MECOM: variants seen among roughly 807,000 people sequenced by gnomAD.
The protein encoded by MECOM is MDS1 and EVI1 complex locus.
A neutral mutation model predicts 116.3 loss-of-function variants in MECOM; 13 were observed. The ratio of observed to expected loss-of-function variants is 0.11; its 90% CI spans 0.07 to 0.18. The LOEUF (loss-of-function observed/expected upper bound fraction) is 0.18, where lower values mean the gene tolerates loss of function less well. MECOM is among the 10% of genes least tolerant of loss of function. MECOM has a pLI of 1.00. For missense variants in MECOM, 1,299 were observed against 1,509.0 expected (o/e 0.86, Z 2.31); for synonymous variants, 528 against 535.2 (o/e 0.99, Z 0.19).
At chr3:169,254,929 T>C (rs1023305857) in intron 2 of MECOM, among the ~76,000 whole-genome samples, 7 of 152,056 alleles carry the variant, frequency 4.6e-5, no homozygotes, top group African/African-American at 1.7e-4. Flanking sequence ...TGAAGGCTCT[T>C]CTTCTGCTTA....
intron 2 of MECOM, among the ~76,000 whole-genome samples, chr3:169,317,639 C>A (rs903763853): frequency 1.3e-5 from 2 of 152,212 alleles, no homozygotes; most frequent in East Asian, 1.9e-4. Context: ...CTTCCCTTAT[C>A]TCTGGTTTAA....
chr3:169,108,730 C>T (rs1390872254), intron 9 of MECOM, among the ~76,000 whole-genome samples: 2 of 152,130 alleles, frequency 1.3e-5, no homozygotes. Flanking sequence ...ATATGAAACA[C>T]TTGTTGAAAG....
chr3:169,199,369 G>C (rs1314981385), intron 2 of MECOM, among the ~76,000 whole-genome samples: 1 of 151,976 alleles, frequency 6.6e-6, no homozygotes, highest in Non-Finnish European at 1.5e-5. Flanking sequence ...AAAAATGGTG[G>C]AGAAAAATGG....
intron 2 of MECOM, among the ~76,000 whole-genome samples, chr3:169,172,592 G>C (rs1454946424): frequency 6.6e-6 from 1 of 152,214 alleles, no homozygotes; most frequent in African/African-American, 2.4e-5. Context: ...TTGATATTTT[G>C]ACTATTGCAA....
At chr3:169,613,418 A>C (rs893458978) in intron 1 of MECOM, 1 of 152,134 alleles carries the variant, frequency 6.6e-6, no homozygotes, top group African/African-American at 2.4e-5. Context: ...AGTTTTTTGG[A>C]AGGGACACTC....
chr3:169,557,902 A>G (rs966418852), intron 1 of MECOM, among the ~76,000 whole-genome samples: 11 of 152,364 alleles, frequency 7.2e-5, no homozygotes, highest in African/African-American at 2.2e-4. Context: ...AAGGCTTTCA[A>G]TTAGCCAAAT....
intron 2 of MECOM, among the ~76,000 whole-genome samples, chr3:169,325,650 A>T (rs1721708635): frequency 6.6e-6 from 1 of 152,208 alleles, no homozygotes; most frequent in African/African-American, 2.4e-5. Flanking sequence ...ACTAACATAT[A>T]CAATCTTCTG....
intron 1 of MECOM, among the ~76,000 whole-genome samples, chr3:169,508,345 T>C (rs1186160664): frequency 6.6e-6 from 1 of 151,786 alleles, no homozygotes; most frequent in African/African-American, 2.4e-5. Flanking sequence ...TGGGACACAG[T>C]AAACTGGTGA....
chr3:169,140,080 T>G (rs1207115657), intron 3 of MECOM, among the ~76,000 whole-genome samples: 1 of 151,718 alleles, frequency 6.6e-6, no homozygotes, highest in Admixed American at 6.6e-5. Flanking sequence ...TTATGCTTCC[T>G]CTCTATATTG....
intron 1 of MECOM, among the ~76,000 whole-genome samples, chr3:169,469,182 G>T (rs551973298): frequency 6.6e-6 from 1 of 152,272 alleles, no homozygotes; most frequent in East Asian, 1.9e-4. Flanking sequence ...GGAGGAGATG[G>T]TGACTGAGCT....
chr3:169,564,593 C>A (rs1763007281), intron 1 of MECOM, among the ~76,000 whole-genome samples: 1 of 152,090 alleles, frequency 6.6e-6, no homozygotes, highest in South Asian at 2.1e-4. Flanking sequence ...TCAAGTGCCC[C>A]CCCAAAAAAT....
intron 8 of MECOM, among the ~76,000 whole-genome samples, chr3:169,114,570 T>C (rs1576993123): frequency 1.3e-5 from 2 of 152,112 alleles, no homozygotes; most frequent in Admixed American, 1.3e-4. Context: ...ATCCAGATGT[T>C]CCATGAACTC....
At chr3:169,395,019 C>G (rs545753283) in intron 1 of MECOM, among the ~76,000 whole-genome samples, 3 of 152,274 alleles carry the variant, frequency 2.0e-5, no homozygotes, top group Admixed American at 2.0e-4. Context: ...TTCCAAGAAA[C>G]AGCATTATAT....
At chr3:169,237,447 C>CTTAGTG (rs1754203620) in intron 2 of MECOM, among the ~76,000 whole-genome samples, 1 of 151,782 alleles carries the variant, frequency 6.6e-6, no homozygotes, top group African/African-American at 2.4e-5. Context: ...GCTAACTGAC[C>CTTAGTG]ACCCTTAGTC....
At chr3:169,529,457 G>A (rs960638905) in intron 1 of MECOM, among the ~76,000 whole-genome samples, 1 of 152,134 alleles carries the variant, frequency 6.6e-6, no homozygotes, top group Admixed American at 6.5e-5. Flanking sequence ...CGTTTAGCTT[G>A]CTAACAATTG....
chr3:169,249,311 TCTAGTGCCACAAC>T (rs2149578554), intron 2 of MECOM, among the ~76,000 whole-genome samples: 1 of 152,182 alleles, frequency 6.6e-6, no homozygotes, highest in East Asian at 1.9e-4. Context: ...AGACTTGACA[TCTAGTGCCACAAC>T]CTAGTGCTGC....
intron 2 of MECOM, among the ~76,000 whole-genome samples, chr3:169,170,227 A>G (rs1485285752): frequency 1.3e-5 from 2 of 151,910 alleles, no homozygotes; most frequent in Non-Finnish European, 2.9e-5. Flanking sequence ...CCTGGCCAAC[A>G]TGGTGAAACC....
At chr3:169,499,847 A>G (rs951879064) in intron 1 of MECOM, among the ~76,000 whole-genome samples, 2 of 152,056 alleles carry the variant, frequency 1.3e-5, no homozygotes, top group Non-Finnish European at 2.9e-5. Context: ...TTTTTAGGAA[A>G]ATTAAAAATT....
At chr3:169,109,093 G>T (rs4955640) in intron 9 of MECOM, among the ~76,000 whole-genome samples, 3 of 152,044 alleles carry the variant, frequency 2.0e-5, no homozygotes, top group South Asian at 2.1e-4. Context: ...TGAATGCAAA[G>T]GATCCAAAAT....
Sources: allele counts gnomAD v4.1 joint callset (sites outside exome capture counted in the v4.1 genomes callset), GRCh38; gene constraint gnomAD v4.1.1; transcripts MANE v1.5; gene names NCBI Gene and HGNC (gene_info 2026-07-23, HGNC 2026-07-21).